Variants in CDK13 observed in about 807,000 individuals in gnomAD.
CDK13 encodes the protein cyclin dependent kinase 13.
A neutral mutation model predicts 137.6 loss-of-function variants in CDK13; 40 were observed. That is an observed-to-expected ratio of 0.29 (90% CI 0.23 to 0.38). The LOEUF (loss-of-function observed/expected upper bound fraction) is 0.38, where lower values mean the gene tolerates loss of function less well. Ranked by LOEUF, CDK13 falls within the 10% of genes least tolerant of loss-of-function variation. CDK13 has a pLI of 1.00. For synonymous variants in CDK13, 869 were observed against 760.1 expected, an observed-to-expected ratio of 1.14 and a Z score of -2.36; for missense variants, 1,704 against 1,951.8, an observed-to-expected ratio of 0.87 and a Z score of 2.39.
chr7:40,031,033 A>G (rs947754777), intron 5 of CDK13, among the ~76,000 whole-genome samples: 1 of 152,322 alleles, frequency 6.6e-6, no homozygotes, highest in Admixed American at 6.5e-5. Context: ...GATGGATTAT[A>G]TATGGTAAGA....
At chr7:39,963,688 T>C (rs915267870) in intron 1 of CDK13, among the ~76,000 whole-genome samples, 8 of 152,250 alleles carry the variant, frequency 5.3e-5, no homozygotes, top group Non-Finnish European at 1.2e-4. Context: ...AGAGAGGGCA[T>C]CCCTGTCTTG....
At chr7:40,052,440 G>A (rs2150520625) in intron 7 of CDK13, among the ~76,000 whole-genome samples, 2 of 152,272 alleles carry the variant, frequency 1.3e-5, no homozygotes, top group South Asian at 4.1e-4. Flanking sequence ...GCCTCCCAAA[G>A]TGCTAGGATT....
At chr7:39,962,914 G>A (rs928202109) in intron 1 of CDK13, among the ~76,000 whole-genome samples, 5 of 152,172 alleles carry the variant, frequency 3.3e-5, no homozygotes, top group Admixed American at 3.3e-4. Flanking sequence ...TGTCAGGTTT[G>A]TCAAAGATCA....
At chr7:40,014,605 C>T (rs555150659) in intron 5 of CDK13, among the ~76,000 whole-genome samples, 2 of 151,980 alleles carry the variant, frequency 1.3e-5, no homozygotes, top group Non-Finnish European at 2.9e-5. Flanking sequence ...CAGGCACATT[C>T]CAGCACACCT....
rs1359599053 is a variant in CDK13 at position 39,988,211 on chromosome 7, A to G, written c.1824A>G (p.Pro608=). 6.2e-7 allele frequency: 1 copy of G among 1,611,868 alleles called. No homozygotes were observed. Among genetic ancestry groups the G allele is most frequent in the Non-Finnish European group, 8.5e-7 (1 of 1,179,500 alleles). Residue 608 remains proline (P), a synonymous_variant, in exon 2 of 14, where the codon CCA becomes CCG. Coordinates refer to ENST00000181839, the MANE Select transcript of CDK13 (RefSeq NM_003718.5). ...TAGCTTTAGTCACCTCTACATTACC[A>G]CCGTTACCTTTGCCTCCCATGCTGC... ...QHVALVTSTL[P]PLPLPPMLPE...
intron 5 of CDK13, among the ~76,000 whole-genome samples, chr7:40,013,899 T>A (rs1187841339): frequency 1.3e-5 from 2 of 152,120 alleles, no homozygotes. Flanking sequence ...AAGATGAGAC[T>A]GTAAAGGTGC....
At chr7:40,039,271 TAGAGAG>T (rs905005743) in intron 5 of CDK13, among the ~76,000 whole-genome samples, 3 of 150,654 alleles carry the variant, frequency 2.0e-5, no homozygotes, top group African/African-American at 7.3e-5. Flanking sequence ...TATATACAGA[TAGAGAG>T]AGAGAGAGTG....
chr7:40,063,945 C>T (rs1358972514), intron 9 of CDK13, among the ~76,000 whole-genome samples: 1 of 152,030 alleles, frequency 6.6e-6, no homozygotes, highest in African/African-American at 2.4e-5. Context: ...CAGGCATGAG[C>T]CACCTCATCC....
intron 11 of CDK13, among the ~76,000 whole-genome samples, chr7:40,086,040 A>G (rs1221872390): frequency 2.0e-5 from 3 of 152,234 alleles, no homozygotes; most frequent in South Asian, 2.1e-4. Context: ...GTTGCCATCT[A>G]TATGTACTCA....
Position 39,979,190 on chromosome 7 carries a change from C to T in CDK13, c.1212-8409C>T, listed in dbSNP as rs561254150. Among the ~76,000 whole-genome samples the T allele has an allele frequency of 1.3e-4, 19 of 149,856 alleles. No individual in the cohort carries two copies. In the East Asian group the frequency reaches 1.6e-3, roughly 12 times the overall value. On this transcript the variant is annotated intron_variant, in intron 1 of 13. Coordinates refer to ENST00000181839, the MANE Select transcript of CDK13 (RefSeq NM_003718.5). Reference sequence around the variant, plus strand: ...GTAATAAAGTAAAAAAGACTAGTAACGTAGATTTTTTTCTTTCTTTTTTTT... The same window carrying T: ...GTAATAAAGTAAAAAAGACTAGTAATGTAGATTTTTTTCTTTCTTTTTTTT...
chr7:40,060,432 G>A (rs975188617), intron 7 of CDK13, among the ~76,000 whole-genome samples: 1 of 152,104 alleles, frequency 6.6e-6, no homozygotes, highest in African/African-American at 2.4e-5. Context: ...TGATGTGTTT[G>A]AGAAACTAGT....
intron 5 of CDK13, among the ~76,000 whole-genome samples, chr7:40,042,832 G>A (rs1785643236): frequency 6.6e-6 from 1 of 150,840 alleles, no homozygotes; most frequent in African/African-American, 2.4e-5. Flanking sequence ...CACCCAGGCT[G>A]GAATGCAGTG....
chr7:39,975,856 G>GA (rs1436732265), intron 1 of CDK13, among the ~76,000 whole-genome samples: 2 of 152,168 alleles, frequency 1.3e-5, no homozygotes, highest in African/African-American at 4.8e-5. Context: ...AATGCAGTTG[G>GA]AAACCACTAC....
chr7:39,965,461 A>G (rs1466727140), intron 1 of CDK13, among the ~76,000 whole-genome samples: 2 of 151,526 alleles, frequency 1.3e-5, no homozygotes, highest in Non-Finnish European at 2.9e-5. Flanking sequence ...TTTGTTTTCC[A>G]TTTGCTTGGT....
intron 5 of CDK13, among the ~76,000 whole-genome samples, chr7:40,022,242 T>C (rs1291938625): frequency 6.6e-6 from 1 of 152,200 alleles, no homozygotes; most frequent in Non-Finnish European, 1.5e-5. Flanking sequence ...ATCTTTCTCT[T>C]TTGCCATTTC....
chr7:40,024,757 G>A (rs1281656187), intron 5 of CDK13, among the ~76,000 whole-genome samples: 1 of 146,072 alleles, frequency 6.8e-6, no homozygotes, highest in African/African-American at 2.5e-5. Context: ...TCCGCCTCCC[G>A]GGTTCGAGCG....
At chr7:40,005,543 TGCCTTGGCC>T (rs1288041163) in intron 5 of CDK13, among the ~76,000 whole-genome samples, 4 of 152,130 alleles carry the variant, frequency 2.6e-5, no homozygotes, top group Non-Finnish European at 4.4e-5. Context: ...GTGATCTGCC[TGCCTTGGCC>T]GCCCAAAGTG....
At position 39,951,117 on chromosome 7, in the gene CDK13, TG is replaced by T. The variant is rs1405252481; in HGVS notation, c.484del (p.Ala162ProfsTer174). ...TCCCAGTCCGAGCAGGGGCTGCTGC[TG>T]GGGGGGGCCAGCGCGGCAACGGCGG... ...VSSQSEQGLLLGGASAATAAT... is the reference protein window; with the variant it reads ...VSSQSEQGLLXGGASAATAAT... On this transcript the variant is annotated frameshift_variant, in exon 1 of 14. Coordinates refer to ENST00000181839, the MANE Select transcript of CDK13 (RefSeq NM_003718.5). LOFTEE classifies it high-confidence loss of function. 1.4e-5 allele frequency: 17 copies of T among 1,242,010 alleles called. No homozygotes were observed. The highest frequency in any genetic ancestry group is 1.1e-4 in the South Asian group (3 of 26,832). The allele number at this position is 1,242,010 out of a possible 1,614,324, so 76.9% of individuals were successfully genotyped here.
At chr7:40,092,672 A>T in intron 12 of CDK13, 113 bp from the exon 13 acceptor site, 1 of 710,272 alleles carries the variant, frequency 1.4e-6, no homozygotes, top group Admixed American at 2.8e-5. Context: ...AGTATTTCTT[A>T]AATACTCTCC....
Sources: allele counts gnomAD v4.1 joint callset (sites outside exome capture counted in the v4.1 genomes callset), GRCh38; gene constraint gnomAD v4.1.1; transcripts MANE v1.5; gene names NCBI Gene and HGNC (gene_info 2026-07-23, HGNC 2026-07-21).